Variants in VTI1A observed in about 807,000 individuals in gnomAD.
VTI1A encodes the protein vesicle transport through interaction with t-SNAREs 1A.
VTI1A carries 22 observed loss-of-function variants against 34.9 expected under a neutral mutation model. The observed-to-expected ratio is 0.63, with a 90% confidence interval of 0.45 to 0.90. The LOEUF is 0.90. VTI1A is among the 40% of genes least tolerant of loss of function. The pLI, the probability that VTI1A is intolerant of heterozygous loss-of-function variation, is 0.00. For synonymous variants in VTI1A, 87 were observed against 97.3 expected (o/e 0.89, Z 0.62); for missense variants, 268 against 275.6 (o/e 0.97, Z 0.20).
At chr10:112,808,045 C>T (rs1383429816) in intron 7 of VTI1A, among the ~76,000 whole-genome samples, 1 of 151,252 alleles carries the variant, frequency 6.6e-6, no homozygotes, top group Non-Finnish European at 1.5e-5. Flanking sequence ...TAGTGAGACC[C>T]TGTCTTTACA....
At chr10:112,460,625 G>C in intron 2 of VTI1A, 43 bp downstream of exon 2, 1 of 1,497,504 alleles carries the variant, frequency 6.7e-7, no homozygotes, top group Non-Finnish European at 9.0e-7. Flanking sequence ...AGCCAGAGCC[G>C]TTTAAGCTAA....
chr10:112,620,793 AAAAAAAAAAAG>A (rs2134566553), intron 5 of VTI1A, among the ~76,000 whole-genome samples: 1 of 149,832 alleles, frequency 6.7e-6, no homozygotes, highest in African/African-American at 2.4e-5. Flanking sequence ...TCCATCTCAA[AAAAAAAAAAAG>A]AAAAGAAAAG....
intron 5 of VTI1A, among the ~76,000 whole-genome samples, chr10:112,562,078 T>A (rs1851742061): frequency 1.3e-5 from 2 of 152,014 alleles, no homozygotes; most frequent in South Asian, 4.1e-4. Context: ...TCAGAAAAAA[T>A]AAAATAAAAT....
At chr10:112,731,014 A>G (rs1420434845) in intron 7 of VTI1A, among the ~76,000 whole-genome samples, 1 of 152,146 alleles carries the variant, frequency 6.6e-6, no homozygotes, top group Admixed American at 6.5e-5. Context: ...ATATATATTA[A>G]AGTGATTAAG....
At chr10:112,476,315 G>C (rs1031004765) in intron 3 of VTI1A, among the ~76,000 whole-genome samples, 2 of 152,120 alleles carry the variant, frequency 1.3e-5, no homozygotes, top group Non-Finnish European at 2.9e-5. Context: ...TGGAATCTCC[G>C]TTTAATTTCC....
chr10:112,542,268 AG>A (rs1412157189), intron 5 of VTI1A, among the ~76,000 whole-genome samples: 1 of 152,200 alleles, frequency 6.6e-6, no homozygotes, highest in Non-Finnish European at 1.5e-5. Context: ...ATACGTAAAC[AG>A]GTAGCTTAAG....
intron 7 of VTI1A, among the ~76,000 whole-genome samples, chr10:112,758,788 A>G (rs796621873): frequency 2.2e-4 from 33 of 152,360 alleles, no homozygotes; most frequent in African/African-American, 7.9e-4. Context: ...GGCCCAGCCC[A>G]TGCCCCATTC....
chr10:112,740,105 G>C (rs1372897098), intron 7 of VTI1A, among the ~76,000 whole-genome samples: 1 of 152,164 alleles, frequency 6.6e-6, no homozygotes, highest in Non-Finnish European at 1.5e-5. Context: ...GAACATTGTA[G>C]ATTAAAGATA....
intron 7 of VTI1A, among the ~76,000 whole-genome samples, chr10:112,736,378 T>C (rs1850472248): frequency 6.6e-6 from 1 of 152,104 alleles, no homozygotes; most frequent in East Asian, 1.9e-4. Context: ...CACTAGTCTC[T>C]AGAACTACTC....
At chr10:112,541,751 T>G (rs2134264738) in intron 5 of VTI1A, among the ~76,000 whole-genome samples, 1 of 152,326 alleles carries the variant, frequency 6.6e-6, no homozygotes, top group South Asian at 2.1e-4. Flanking sequence ...GGGACACATG[T>G]CCATAATGTG....
intron 5 of VTI1A, among the ~76,000 whole-genome samples, chr10:112,643,507 A>C (rs1846660742): frequency 6.6e-6 from 1 of 152,196 alleles, no homozygotes; most frequent in South Asian, 2.1e-4. Flanking sequence ...CAAAGCCCTG[A>C]AGTGTGTTAC....
At chr10:112,626,743 A>AT (rs1396851851) in intron 5 of VTI1A, among the ~76,000 whole-genome samples, 8 of 152,234 alleles carry the variant, frequency 5.3e-5, no homozygotes, top group Non-Finnish European at 8.8e-5. Context: ...ACTGCTCTTC[A>AT]GGTACATTGG....
At chr10:112,605,618 A>G (rs1014433570) in intron 5 of VTI1A, among the ~76,000 whole-genome samples, 1 of 152,208 alleles carries the variant, frequency 6.6e-6, no homozygotes, top group Non-Finnish European at 1.5e-5. Context: ...TGCCTTGTGT[A>G]AGACAGATGG....
intron 7 of VTI1A, among the ~76,000 whole-genome samples, chr10:112,687,684 A>G (rs1207149809): frequency 6.6e-6 from 1 of 152,106 alleles, no homozygotes; most frequent in African/African-American, 2.4e-5. Context: ...ACTGGGGTTC[A>G]TTCTTGGTGC....
At chr10:112,835,930 G>C in the VTI1A span, among the ~76,000 whole-genome samples, 1 of 152,174 alleles carries the variant, frequency 6.6e-6, no homozygotes, top group African/African-American at 2.4e-5. Flanking sequence ...GACTGAAATT[G>C]CCCGCAAATG....
the VTI1A span, among the ~76,000 whole-genome samples, chr10:112,837,269 G>A: frequency 6.6e-6 from 1 of 152,194 alleles, no homozygotes; most frequent in Non-Finnish European, 1.5e-5. Context: ...GGAGGTTGCA[G>A]TGAGCCAAGA....
In VTI1A at chr10:112,817,116, A is replaced by G. The variant is rs1564937761; in HGVS notation, c.*1733A>G. The G allele has an allele frequency of 4.3e-6, 1 of 232,538 alleles. No homozygotes were observed. The highest frequency in any genetic ancestry group is 8.5e-6 in the Non-Finnish European group (1 of 117,670). 14.4% of individuals were successfully genotyped at this position (232,538 alleles called of 1,614,324 possible). ...AATGCTGTACGTGCTGACCACATCT[A>G]AGAACCATTAAAAAGCAAGGAAACA... On this transcript the variant is annotated 3_prime_UTR_variant, in exon 8 of 8. Coordinates refer to ENST00000393077, the MANE Select transcript of VTI1A (RefSeq NM_145206.4).
At chr10:112,776,775 T>G (rs1054697250) in intron 7 of VTI1A, among the ~76,000 whole-genome samples, 2 of 148,832 alleles carry the variant, frequency 1.3e-5, no homozygotes, top group African/African-American at 5.0e-5. Flanking sequence ...CCTCCCAGAA[T>G]CAAGGAATTC....
intron 5 of VTI1A, among the ~76,000 whole-genome samples, chr10:112,660,125 G>C (rs1187257303): frequency 6.6e-6 from 1 of 152,128 alleles, no homozygotes; most frequent in Non-Finnish European, 1.5e-5. Context: ...TTTTGAGACA[G>C]AGTCTCGCTC....
Sources: allele counts gnomAD v4.1 joint callset (sites outside exome capture counted in the v4.1 genomes callset), GRCh38; gene constraint gnomAD v4.1.1; transcripts MANE v1.5; gene names NCBI Gene and HGNC (gene_info 2026-07-23, HGNC 2026-07-21).